Variants in DDX60L observed in about 807,000 individuals in gnomAD.
DDX60L encodes the protein DExD/H-box 60 like.
DDX60L carries 191 observed loss-of-function variants against 211.6 expected under a neutral mutation model. The observed-to-expected ratio is 0.90, with a 90% CI of 0.80 to 1.02. The LOEUF is 1.02. Among genes scored for constraint, DDX60L ranks in the 50% least tolerant of loss-of-function variants. The pLI is 0.00. For missense variants in DDX60L, 2,007 were observed against 1,984.1 expected, an observed-to-expected ratio of 1.01 and a Z score of -0.22; for synonymous variants, 706 against 694.1, an observed-to-expected ratio of 1.02 and a Z score of -0.27.
chr4:168,476,404 T>C (rs1330473555), intron 1 of DDX60L, among the ~76,000 whole-genome samples: 1 of 152,126 alleles, frequency 6.6e-6, no homozygotes, highest in African/African-American at 2.4e-5. Flanking sequence ...AAAATGGAGA[T>C]AGCAAGACAT....
At chr4:168,433,728 A>G (rs549394741) in intron 10 of DDX60L, among the ~76,000 whole-genome samples, 11 of 152,246 alleles carry the variant, frequency 7.2e-5, no homozygotes, top group African/African-American at 2.4e-4. Context: ...CCTTTTGCCA[A>G]TGTATCCACA....
chr4:168,401,185 A>G (rs11936334), intron 25 of DDX60L, among the ~76,000 whole-genome samples: 3 of 152,020 alleles, frequency 2.0e-5, no homozygotes, highest in African/African-American at 7.3e-5. Context: ...CATTAACACC[A>G]ATGTAGACCT....
In DDX60L at chr4:168,361,144, C is replaced by G. The variant is rs1739042524; in HGVS notation, c.4991+5G>C. Reference sequence around the variant, plus strand: ...TGAGAAAATCAAACTCAGCATGAAACATACCTGATAGCCTGAATGTTGAAT... The same window carrying G: ...TGAGAAAATCAAACTCAGCATGAAAGATACCTGATAGCCTGAATGTTGAAT... On this transcript the variant is annotated splice_donor_5th_base_variant and intron_variant, in intron 37 of 37. Coordinates refer to ENST00000682922, the MANE Select transcript of DDX60L (RefSeq NM_001012967.3). 1.3e-6 allele frequency: 2 copies of G among 1,598,758 alleles called. No homozygotes were observed. Among genetic ancestry groups the G allele is most frequent in the African/African-American group, 2.7e-5 (2 of 74,722 alleles).
intron 9 of DDX60L, among the ~76,000 whole-genome samples, chr4:168,442,814 G>T (rs1279565716): frequency 6.6e-6 from 1 of 151,026 alleles, no homozygotes; most frequent in African/African-American, 2.4e-5. Context: ...GCAGCTGAGG[G>T]TCCTCTCTGT....
At position 168,427,192 on chromosome 4, in the gene DDX60L, GA is replaced by G; in HGVS notation, c.1807del (p.Ser603LeufsTer3). 1 of 1,612,964 alleles carries G rather than the reference GA, an allele frequency of 6.2e-7. No individual in the cohort carries two copies. The highest frequency in any genetic ancestry group is 1.7e-4 in the Middle Eastern group (1 of 6,060). ...ATAATCTTCCAATTTCCTTATTCCA[GA>G]ATGTAAATTGTTCTTCATCTCCTCT... ...IEEEMKNNLH[S>X]GIRKLEDYLT... On this transcript the variant is annotated frameshift_variant, in exon 14 of 38. Transcript: ENST00000682922. LOFTEE classifies it high-confidence loss of function.
intron 14 of DDX60L, 52 bp downstream of exon 14, chr4:168,427,018 T>C (rs1445525307): frequency 2.0e-6 from 3 of 1,510,512 alleles, no homozygotes; most frequent in Non-Finnish European, 2.7e-6. Context: ...TATGTTAACA[T>C]CATTAATATT....
In DDX60L at chr4:168,375,343, A is replaced by T. The variant is rs1209963426; in HGVS notation, c.4633+34T>A. 2.5e-6 allele frequency: 4 copies of T among 1,596,284 alleles called. No homozygotes were observed. In the African/African-American group the frequency reaches 4.0e-5, roughly 16 times the overall value. On this transcript the variant is annotated intron_variant, in intron 34 of 37. Coordinates refer to ENST00000682922, the MANE Select transcript of DDX60L (RefSeq NM_001012967.3). ...TCTTAACCAAGATTGTTTACTCTTT[A>T]AATTGTTCCGGAATGGAACTAAAAT... is the stretch of plus-strand genomic sequence containing the variant.
At chr4:168,379,886 G>T (rs759523804) in intron 30 of DDX60L, 56 bp from the exon 31 acceptor site, 3 of 1,273,544 alleles carry the variant, frequency 2.4e-6, no homozygotes, top group South Asian at 2.6e-5. Flanking sequence ...TGTAAATACT[G>T]ATATGTAATA....
intron 1 of DDX60L, among the ~76,000 whole-genome samples, chr4:168,473,970 G>C (rs185721610): frequency 1.3e-5 from 2 of 152,288 alleles, no homozygotes; most frequent in East Asian, 3.9e-4. Context: ...GGGACAGAAA[G>C]CAGAATGCAT....
At chr4:168,430,154 G>A (rs146758997) in intron 13 of DDX60L, among the ~76,000 whole-genome samples, 37 of 152,250 alleles carry the variant, frequency 2.4e-4, no homozygotes, top group East Asian at 5.8e-4. Context: ...AGCCAAGATC[G>A]TGTCACTGCA....
rs111656815 is a variant in DDX60L, at chr4:168,462,745, G to A, written c.265-705C>T. Among the ~76,000 whole-genome samples the A allele has an allele frequency of 5.9e-3, 895 of 152,142 alleles. 5 individuals carry two copies. Among genetic ancestry groups the A allele is most frequent in the Non-Finnish European group, 8.6e-3 (587 of 68,002 alleles). The stretch of plus-strand genomic sequence containing the variant: ...GGAAAATCGCTTGAACCAGGGAGGC[G>A]GAGGTTGCAGTGAGCCGAGATCATG... On this transcript the variant is annotated intron_variant, in intron 4 of 37. Transcript: ENST00000682922.
chr4:168,449,652 C>CAA, intron 8 of DDX60L, among the ~76,000 whole-genome samples: 46 of 7,926 alleles, frequency 5.8e-3, no homozygotes, highest in East Asian at 0.015. Flanking sequence ...AAAAAAAATG[C>CAA]AAAAAAAAAA....
At chr4:168,405,798 A>C (rs1008620919) in intron 24 of DDX60L, among the ~76,000 whole-genome samples, 152 bp downstream of exon 24, 1 of 152,018 alleles carries the variant, frequency 6.6e-6, no homozygotes, top group Non-Finnish European at 1.5e-5. Context: ...CCTTTATTCT[A>C]TCTCATACTC....
intron 10 of DDX60L, among the ~76,000 whole-genome samples, chr4:168,439,257 G>T (rs1753490471): frequency 6.6e-6 from 1 of 152,030 alleles, no homozygotes. Flanking sequence ...TTGTTGTAAA[G>T]GTATTTGTAG....
intron 1 of DDX60L, among the ~76,000 whole-genome samples, chr4:168,473,014 G>A (rs1333151016): frequency 6.6e-6 from 1 of 152,142 alleles, no homozygotes; most frequent in East Asian, 1.9e-4. Flanking sequence ...TGCATGAACT[G>A]AGATCTGAAG....
chr4:168,456,245 G>A (rs1002071179), intron 6 of DDX60L, 93 bp from the exon 7 acceptor site: 11 of 628,130 alleles, frequency 1.8e-5, no homozygotes, highest in African/African-American at 9.7e-5. Flanking sequence ...TAAAGAAAAC[G>A]ATTGTATAGA....
At chr4:168,474,228 C>A (rs1759193364) in intron 1 of DDX60L, among the ~76,000 whole-genome samples, 1 of 152,084 alleles carries the variant, frequency 6.6e-6, no homozygotes, top group South Asian at 2.1e-4. Flanking sequence ...TTCAGATGAG[C>A]CCTGAAGGAG....
intron 19 of DDX60L, among the ~76,000 whole-genome samples, chr4:168,417,571 AT>A (rs374876484): frequency 2.4e-4 from 36 of 151,326 alleles, no homozygotes; most frequent in African/African-American, 6.8e-4. Flanking sequence ...AAACTAACTG[AT>A]TTTTTTTTCT....
intron 4 of DDX60L, among the ~76,000 whole-genome samples, chr4:168,463,446 T>TGGA (rs752023818): frequency 1.3e-5 from 2 of 151,560 alleles, no homozygotes; most frequent in Non-Finnish European, 2.9e-5. Flanking sequence ...GGGCGGAGGG[T>TGGA]GGAGGGTGAG....
Sources: allele counts gnomAD v4.1 joint callset (sites outside exome capture counted in the v4.1 genomes callset), GRCh38; gene constraint gnomAD v4.1.1; transcripts MANE v1.5; gene names NCBI Gene and HGNC (gene_info 2026-07-23, HGNC 2026-07-21).